The following ATP8B4 variants were observed in gnomAD, a reference collection of about 807,000 sequenced individuals.
ATP8B4 encodes ATPase phospholipid transporting 8B4 (putative), also known as probable phospholipid-transporting ATPase IM.
ATP8B4 carries 133 observed loss-of-function variants against 145.6 expected under a neutral mutation model. That is an observed-to-expected ratio of 0.91 (90% CI 0.79 to 1.05). The LOEUF (loss-of-function observed/expected upper bound fraction) is 1.05, where lower values mean the gene tolerates loss of function less well. Ranked by LOEUF, ATP8B4 falls within the 50% of genes least tolerant of loss-of-function variation. The probability of loss-of-function intolerance (pLI) is 0.00; values close to 1 mark genes in which losing one functional copy is unlikely to be tolerated. For missense variants in ATP8B4, 1,458 were observed against 1,425.2 expected, an observed-to-expected ratio of 1.02 and a Z score of -0.37; for synonymous variants, 507 against 492.9, an observed-to-expected ratio of 1.03 and a Z score of -0.38.
intron 23 of ATP8B4, among the ~76,000 whole-genome samples, chr15:49,884,952 A>G (rs2035998425): frequency 6.6e-6 from 1 of 152,202 alleles, no homozygotes; most frequent in South Asian, 2.1e-4. Context: ...TCTGTGGAAA[A>G]TTGTCTTCCA....
intron 7 of ATP8B4, 40 bp from the exon 8 acceptor site, chr15:50,002,263 TA>T (rs1567177675): frequency 6.5e-7 from 1 of 1,530,248 alleles, no homozygotes; most frequent in African/African-American, 1.4e-5. Flanking sequence ...CTTGAGAAGT[TA>T]GATTGGTTGA....
At chr15:50,148,296 A>G (rs1034657981) in intron 1 of ATP8B4, among the ~76,000 whole-genome samples, 1 of 152,202 alleles carries the variant, frequency 6.6e-6, no homozygotes, top group Admixed American at 6.5e-5. Context: ...AAAGACATAA[A>G]TAATTATATT....
intron 1 of ATP8B4, among the ~76,000 whole-genome samples, chr15:50,173,003 G>A (rs571628288): frequency 3.3e-5 from 5 of 149,510 alleles, no homozygotes; most frequent in East Asian, 2.0e-4. Flanking sequence ...CGCCCCGTCC[G>A]GGAGGTGGGG....
At chr15:49,952,350 T>C (rs12908522) in intron 14 of ATP8B4, among the ~76,000 whole-genome samples, 33,525 of 152,178 alleles carry the variant, frequency 0.22, 4,880 homozygotes, top group Non-Finnish European at 0.31. Context: ...ATAGGTTTGG[T>C]GTTTTTATGA....
intron 9 of ATP8B4, 21 bp from the exon 10 acceptor site, chr15:49,987,570 A>G (rs1234371852): frequency 3.7e-6 from 6 of 1,606,348 alleles, no homozygotes; most frequent in Admixed American, 1.7e-5. Context: ...AAAAAACAAA[A>G]CAAACCTCTT....
intron 1 of ATP8B4, among the ~76,000 whole-genome samples, chr15:50,157,158 A>G (rs2044431770): frequency 6.6e-6 from 1 of 152,232 alleles, no homozygotes; most frequent in African/African-American, 2.4e-5. Flanking sequence ...TGTAAAAACC[A>G]GAGTACTCAA....
At chr15:49,977,012 T>C (rs1009601847) in intron 12 of ATP8B4, among the ~76,000 whole-genome samples, 1 of 152,096 alleles carries the variant, frequency 6.6e-6, no homozygotes, top group African/African-American at 2.4e-5. Flanking sequence ...TAAGATTATG[T>C]ATTTAAAAAA....
rs1425479903 is a variant in ATP8B4 at position 49,870,725 on chromosome 15, C to G, written c.3028-4241G>C. 5.3e-5 allele frequency among the ~76,000 whole-genome samples: 8 copies of G among 152,312 alleles called. No homozygotes were observed. In the South Asian group the frequency reaches 1.2e-3, roughly 24 times the overall value. On this transcript the variant is annotated intron_variant, in intron 25 of 27. Transcript: ENST00000284509. ...CAAAATTGCCTAGCATCCATGGTTA[C>G]AAACATTTACATACTTGGGTCTAAG...
chr15:50,130,963 G>A (rs1165514167), intron 1 of ATP8B4, among the ~76,000 whole-genome samples: 2 of 152,136 alleles, frequency 1.3e-5, no homozygotes, highest in African/African-American at 4.8e-5. Context: ...GCATGGCTGG[G>A]GAGTTCTCAG....
At chr15:50,164,279 C>T (rs183977583) in intron 1 of ATP8B4, among the ~76,000 whole-genome samples, 1 of 152,330 alleles carries the variant, frequency 6.6e-6, no homozygotes, top group Admixed American at 6.5e-5. Context: ...TCACCCAAGG[C>T]CCACAGCAAA....
intron 23 of ATP8B4, among the ~76,000 whole-genome samples, chr15:49,893,587 G>T (rs1299238895): frequency 6.6e-6 from 1 of 152,154 alleles, no homozygotes; most frequent in Non-Finnish European, 1.5e-5. Flanking sequence ...TTTATATGAG[G>T]TATCTAAAGT....
chr15:49,918,443 C>T (rs2153452622), intron 19 of ATP8B4, among the ~76,000 whole-genome samples: 1 of 152,332 alleles, frequency 6.6e-6, no homozygotes, highest in South Asian at 2.1e-4. Flanking sequence ...TCAAATTCCC[C>T]ACCATCAAGA....
At chr15:50,085,474 T>C (rs1406960972) in intron 2 of ATP8B4, among the ~76,000 whole-genome samples, 1 of 151,964 alleles carries the variant, frequency 6.6e-6, no homozygotes, top group Non-Finnish European at 1.5e-5. Flanking sequence ...TAGAGTTCAG[T>C]TATTGGTGGT....
At chr15:49,860,612 C>G in intron 27 of ATP8B4, 137 bp from the exon 28 acceptor site, 3 of 1,081,760 alleles carry the variant, frequency 2.8e-6, no homozygotes, top group Non-Finnish European at 3.8e-6. Context: ...AATCTAAAAA[C>G]TAAGAAATTT....
At chr15:49,948,281 C>CAAAAAAAAAAA (rs35575312) in intron 14 of ATP8B4, among the ~76,000 whole-genome samples, 3 of 112,312 alleles carry the variant, frequency 2.7e-5, no homozygotes, top group African/African-American at 6.6e-5. Flanking sequence ...ACTAAAAATA[C>CAAAAAAAAAAA]AAAAAAAAAA....
chr15:49,992,648 T>C (rs1410237941), intron 9 of ATP8B4, among the ~76,000 whole-genome samples: 2 of 152,162 alleles, frequency 1.3e-5, no homozygotes, highest in African/African-American at 2.4e-5. Flanking sequence ...GGTCTTTAGA[T>C]ACTTGGAAGA....
chr15:49,860,948 G>T (rs1042838361), intron 27 of ATP8B4, among the ~76,000 whole-genome samples: 1 of 152,146 alleles, frequency 6.6e-6, no homozygotes, highest in African/African-American at 2.4e-5. Flanking sequence ...AACGTATCAT[G>T]AGACTTCCAG....
At chr15:49,935,983 C>T (rs930393412) in intron 14 of ATP8B4, among the ~76,000 whole-genome samples, 1 of 152,106 alleles carries the variant, frequency 6.6e-6, no homozygotes. Flanking sequence ...CTTCTCCCTC[C>T]AACCTATTTA....
At chr15:50,092,671 T>G (rs1054289061) in intron 2 of ATP8B4, among the ~76,000 whole-genome samples, 7 of 151,856 alleles carry the variant, frequency 4.6e-5, no homozygotes, top group African/African-American at 1.7e-4. Context: ...AAACTGCATA[T>G]GGAAAGATGA....
Sources: gnomAD v4.1 joint callset for allele counts (sites outside exome capture counted in the v4.1 genomes callset) on GRCh38, gnomAD v4.1.1 for gene constraint, MANE v1.5 for transcripts, NCBI Gene and HGNC (gene_info 2026-07-23, HGNC 2026-07-21) for gene names.